Variants in SORBS2 observed in about 807,000 individuals in gnomAD.
The protein encoded by SORBS2 is sorbin and SH3 domain containing 2, also known as sorbin and SH3 domain-containing protein 2.
A neutral mutation model predicts 97.7 loss-of-function variants in SORBS2; 46 were observed. The ratio of observed to expected loss-of-function variants is 0.47; its 90% CI spans 0.37 to 0.60. SORBS2 has a LOEUF of 0.60. SORBS2 is among the 20% of genes least tolerant of loss of function. The pLI, the probability that SORBS2 is intolerant of heterozygous loss-of-function variation, is 0.00. For synonymous variants in SORBS2, 476 were observed against 473.4 expected, an observed-to-expected ratio of 1.01 and a Z score of -0.07; for missense variants, 1,316 against 1,282.3, an observed-to-expected ratio of 1.03 and a Z score of -0.40.
intron 1 of SORBS2, among the ~76,000 whole-genome samples, chr4:185,889,885 T>C (rs1460783189): frequency 2.6e-5 from 4 of 152,078 alleles, no homozygotes; most frequent in Admixed American, 2.6e-4. Context: ...CCAGAATAAT[T>C]TTTTTTCTTT....
chr4:185,954,447 T>C (rs182429470), intron 1 of SORBS2, among the ~76,000 whole-genome samples: 2 of 152,368 alleles, frequency 1.3e-5, no homozygotes, highest in Admixed American at 1.3e-4. Context: ...ATTTCCATTT[T>C]ACTTGCTTAT....
chr4:185,773,928 A>T (rs191244651), intron 2 of SORBS2: 1 of 143,084 alleles, frequency 7.0e-6, no homozygotes, highest in African/African-American at 2.6e-5. Context: ...CGTAAAACAG[A>T]CTTCTGGCTA....
intron 1 of SORBS2, among the ~76,000 whole-genome samples, chr4:185,806,638 T>C (rs554011389): frequency 1.2e-3 from 175 of 151,554 alleles, no homozygotes; most frequent in African/African-American, 4.0e-3. Context: ...TTTGTATTTT[T>C]TAGTAGAGAC....
intron 2 of SORBS2, among the ~76,000 whole-genome samples, chr4:185,705,921 C>T (rs1193390450): frequency 6.6e-6 from 1 of 152,144 alleles, no homozygotes; most frequent in African/African-American, 2.4e-5. Flanking sequence ...CATTGTCTTC[C>T]AGCATATGTC....
In SORBS2 at chr4:185,817,233, C is replaced by G. The variant is rs1336925127; in HGVS notation, c.-337-41867G>C. 4.0e-5 allele frequency among the ~76,000 whole-genome samples: 6 copies of G among 151,782 alleles called. No homozygotes were observed. The East Asian group carries it at 9.6e-4, about 24-fold the overall frequency. ...AATAACAAAAGAAAAAAAAAACCAC[C>G]CACAATTAACCCCCTCCCACAGCCC... is the stretch of plus-strand genomic sequence containing the variant. On this transcript the variant is annotated intron_variant, in intron 1 of 20. Coordinates refer to the SORBS2 transcript ENST00000284776.
chr4:185,915,434 G>A (rs1198349301), intron 1 of SORBS2, among the ~76,000 whole-genome samples: 2 of 152,176 alleles, frequency 1.3e-5, no homozygotes, highest in Admixed American at 6.5e-5. Flanking sequence ...CATTCTGATG[G>A]CATGGAAAAA....
intron 1 of SORBS2, among the ~76,000 whole-genome samples, chr4:185,812,716 A>G (rs1382977674): frequency 6.6e-6 from 1 of 152,240 alleles, no homozygotes; most frequent in Non-Finnish European, 1.5e-5. Context: ...GGTCAGAATA[A>G]TAACTAAATC....
rs10655336 is a variant in SORBS2 at position 185,950,248 on chromosome 4, CAAAAAA to C, written c.-338+5942_-338+5947del. Among the ~76,000 whole-genome samples the C allele has an allele frequency of 9.3e-3, 1,371 of 147,246 alleles. 25 individuals are homozygous for C. Among genetic ancestry groups the C allele is most frequent in the African/African-American group, 0.032 (1,272 of 40,248 alleles). On this transcript the variant is annotated intron_variant, in intron 1 of 20. Coordinates refer to the SORBS2 transcript ENST00000284776. The stretch of plus-strand genomic sequence containing the variant: ...CCCTGGGCAACGAGCAAGACTGTCT[CAAAAAA>C]AAAAAAAGAATACTTTGAGAATGAA...
In SORBS2 at chr4:185,611,885, A is replaced by C; in HGVS notation, c.2691T>G (p.Tyr897Ter). 1 of 1,614,068 alleles carries C rather than the reference A, an allele frequency of 6.2e-7. No individual in the cohort carries two copies. Among genetic ancestry groups the C allele is most frequent in the Non-Finnish European group, 8.5e-7 (1 of 1,179,934 alleles). Residue 897 changes from tyrosine (Y) to a stop codon, truncating the protein, a stop_gained, in exon 12 of 15, where the codon TAT (tyrosine) becomes TAG (stop). Transcript: ENST00000418609. LOFTEE classifies it high-confidence loss of function. Reference sequence around the variant, plus strand: ...TTGTGTTCTTCTTGACGACCTCCACATAGGAAACAGGGAAGATGCCTTGTC... The same window carrying C: ...TTGTGTTCTTCTTGACGACCTCCACCTAGGAAACAGGGAAGATGCCTTGTC...
chr4:185,737,140 T>C (rs1213328248), intron 2 of SORBS2, among the ~76,000 whole-genome samples: 1 of 152,224 alleles, frequency 6.6e-6, no homozygotes, highest in Non-Finnish European at 1.5e-5. Flanking sequence ...CAGCAATTAT[T>C]TAAGTGCTCC....
intron 5 of SORBS2, among the ~76,000 whole-genome samples, chr4:185,628,238 C>T (rs2096850309): frequency 6.6e-6 from 1 of 151,634 alleles, no homozygotes; most frequent in African/African-American, 2.4e-5. Context: ...GAATTCAGTG[C>T]TATAATTTGT....
intron 1 of SORBS2, among the ~76,000 whole-genome samples, chr4:185,787,471 G>A (rs1268920503): frequency 1.1e-4 from 16 of 152,196 alleles, no homozygotes; most frequent in Admixed American, 7.9e-4. Context: ...TATACGACCC[G>A]AGGGGATTAT....
chr4:185,682,058 T>C (rs1313753523), intron 2 of SORBS2, among the ~76,000 whole-genome samples: 1 of 152,254 alleles, frequency 6.6e-6, no homozygotes, highest in African/African-American at 2.4e-5. Context: ...CTACTGTGTT[T>C]CTATGTACAA....
At chr4:185,587,681 T>G (rs574463560) in exon 15 of SORBS2, 1 of 1,612,886 alleles carries the variant, frequency 6.2e-7, no homozygotes, top group African/African-American at 1.3e-5. Context: ...TGGTTCTTCT[T>G]GAGGTCCCTG....
At chr4:185,700,757 T>C (rs1275138266) in intron 2 of SORBS2, among the ~76,000 whole-genome samples, 3 of 152,204 alleles carry the variant, frequency 2.0e-5, no homozygotes, top group Non-Finnish European at 4.4e-5. Flanking sequence ...AAATGGGATG[T>C]GGTGTCTATT....
At chr4:185,711,907 T>C (rs1363379496) in intron 2 of SORBS2, among the ~76,000 whole-genome samples, 2 of 152,142 alleles carry the variant, frequency 1.3e-5, no homozygotes, top group Non-Finnish European at 2.9e-5. Flanking sequence ...TCTCCACTGA[T>C]GGAGTTTCAT....
At chr4:185,754,792 C>T (rs1266127130) in intron 2 of SORBS2, among the ~76,000 whole-genome samples, 1 of 152,186 alleles carries the variant, frequency 6.6e-6, no homozygotes, top group African/African-American at 2.4e-5. Flanking sequence ...CCTTCACATC[C>T]CCTGAGTCCA....
At chr4:185,701,845 A>G (rs2098267684) in intron 2 of SORBS2, among the ~76,000 whole-genome samples, 1 of 150,698 alleles carries the variant, frequency 6.6e-6, no homozygotes, top group African/African-American at 2.4e-5. Flanking sequence ...ATCTCAGCTC[A>G]CTGCAACCTC....
chr4:185,734,420 C>A (rs1238880991), intron 2 of SORBS2, among the ~76,000 whole-genome samples: 46 of 152,146 alleles, frequency 3.0e-4, no homozygotes, highest in Admixed American at 3.0e-3. Context: ...CTGTTTTACC[C>A]AGAGTTGGTT....
Sources: gnomAD v4.1 joint callset for allele counts (sites outside exome capture counted in the v4.1 genomes callset) on GRCh38, gnomAD v4.1.1 for gene constraint, MANE v1.5 for transcripts, NCBI Gene and HGNC (gene_info 2026-07-23, HGNC 2026-07-21) for gene names.